The following SERPINB9 variants were observed in gnomAD, a reference collection of about 807,000 sequenced individuals.
The protein encoded by SERPINB9 is serpin family B member 9, also known as serpin B9.
Under a neutral mutation model 27.2 loss-of-function variants are expected in SERPINB9, and 20 were observed. The ratio of observed to expected loss-of-function variants is 0.74; its 90% confidence interval spans 0.52 to 1.07. SERPINB9 has a LOEUF of 1.07. Ranked by LOEUF, SERPINB9 falls within the 50% of genes least tolerant of loss-of-function variation. The pLI is 0.00. For missense variants in SERPINB9, 476 were observed against 460.1 expected (o/e 1.03, Z -0.32); for synonymous variants, 189 against 180.0 (o/e 1.05, Z -0.40).
At chr6:2,893,996 T>G (rs928269912) in intron 4 of SERPINB9, among the ~76,000 whole-genome samples, 2 of 152,040 alleles carry the variant, frequency 1.3e-5, no homozygotes, top group Non-Finnish European at 2.9e-5. Context: ...GAGCTGACAT[T>G]GGGCACATGG....
intron 2 of SERPINB9, among the ~76,000 whole-genome samples, chr6:2,897,398 GGA>G (rs1261299419): frequency 2.0e-5 from 3 of 151,798 alleles, no homozygotes; most frequent in East Asian, 3.9e-4. Flanking sequence ...CCCAGGAGGC[GGA>G]AGTTGCAGTG....
Position 2,900,456 on chromosome 6 carries a change from G to A in SERPINB9, c.156C>T (p.Thr52=). The A allele has an allele frequency of 6.2e-7, 1 of 1,614,074 alleles. No individual in the cohort carries two copies. Among genetic ancestry groups the A allele is most frequent in the Non-Finnish European group, 8.5e-7 (1 of 1,179,994 alleles). The part of the protein sequence containing the change: ...VLLGAKGNTA[T]QMAQALSLNT... The stretch of plus-strand genomic sequence containing the variant: ...CGGGCAAGCTTACCTGGGCCATCTG[G>A]GTTGCGGTGTTTCCCTTTGCCCCTA... The change falls in exon 2 of 7, where the codon ACC becomes ACT. Residue 52 remains threonine, a synonymous_variant. Transcript: ENST00000380698.
intron 2 of SERPINB9, among the ~76,000 whole-genome samples, chr6:2,896,614 A>G (rs1049109413): frequency 3.9e-5 from 6 of 152,250 alleles, no homozygotes; most frequent in Admixed American, 6.5e-5. Context: ...TATAGGGACT[A>G]CATGTGTGTA....
In SERPINB9 at chr6:2,895,371, C is replaced by CAAT. The variant is rs1336456505; in HGVS notation, c.424+17_424+19dup. 2.0e-6 allele frequency: 3 copies of CAAT among 1,535,312 alleles called. No homozygotes were observed. The highest frequency in any genetic ancestry group is 4.5e-5 in the East Asian group (2 of 44,384). On this transcript the variant is annotated intron_variant, in intron 4 of 6. Coordinates refer to ENST00000380698, the MANE Select transcript of SERPINB9 (RefSeq NM_004155.6). The stretch of plus-strand genomic sequence containing the variant: ...AGGAGGACGGGTTGGGAGGAAGGTG[C>CAAT]AATAACTTGTCATTCTGACCTTCGG...
rs896752341 is a variant in SERPINB9 at position 2,891,040 on chromosome 6, G to C, written c.724-470C>G. On this transcript the variant is annotated intron_variant, in intron 6 of 6. Coordinates refer to ENST00000380698, the MANE Select transcript of SERPINB9 (RefSeq NM_004155.6). This position sits in a 1 kb window ranked among gnomAD's most constrained non-coding sequence, Gnocchi z 4.0. ...CAGAGAGGTTACCAGAGGATTATCTGCCCCAGAGAGATTCTGCATAGTTTC... is the reference window on the plus strand; with the variant it reads ...CAGAGAGGTTACCAGAGGATTATCTCCCCCAGAGAGATTCTGCATAGTTTC... Among the ~76,000 whole-genome samples, 3 of 152,184 alleles carry C rather than the reference G, an allele frequency of 2.0e-5. No homozygotes were observed. The highest frequency in any genetic ancestry group is 7.2e-5 in the African/African-American group (3 of 41,446).
rs1767990748 is a variant in SERPINB9 at position 2,896,153 on chromosome 6, G to C, written c.206C>G (p.Ala69Gly). ...CACTTCAGTGAGAAGCGACTGGAAA[G>C]CCCGATGAATGTCTTCCTCTGTGTT... is the stretch of plus-strand genomic sequence containing the variant. The part of the protein sequence containing the change: ...SLNTEEDIHR[A>G]FQSLLTEVNK... Residue 69 changes from alanine to glycine, a missense_variant, in exon 3 of 7, where the codon GCT becomes GGT. Transcript: ENST00000380698. The C allele has an allele frequency of 2.5e-6, 4 of 1,614,082 alleles. No homozygotes were observed. Among genetic ancestry groups the C allele is most frequent in the Non-Finnish European group, 3.4e-6 (4 of 1,179,974 alleles).
chr6:2,898,079 AAAACAAAACAAAAC>A lies in SERPINB9; in HGVS notation c.169-1903_169-1890del, dbSNP rs1323956045. 5.9e-5 allele frequency among the ~76,000 whole-genome samples: 9 copies of A among 152,152 alleles called. No individual in the cohort carries two copies. In the South Asian group the frequency reaches 1.0e-3, roughly 17 times the overall value. On this transcript the variant is annotated intron_variant, in intron 2 of 6. Coordinates refer to ENST00000380698, the MANE Select transcript of SERPINB9 (RefSeq NM_004155.6). ...TGACAGAGCAGAGACTCTATCTCAA[AAAACAAAACAAAAC>A]AAACAAAACAAACAAAAAACAGAAT...
intron 5 of SERPINB9, 115 bp from the exon 6 acceptor site, chr6:2,892,103 AC>A: frequency 2.0e-5 from 4 of 197,360 alleles, no homozygotes; most frequent in Non-Finnish European, 3.5e-5. Flanking sequence ...CCCAGTTAAC[AC>A]TAAAAAAAAA....
intron 4 of SERPINB9, among the ~76,000 whole-genome samples, chr6:2,893,822 G>A (rs1243169740): frequency 6.6e-6 from 1 of 152,140 alleles, no homozygotes; most frequent in African/African-American, 2.4e-5. Context: ...CACCAGGTTG[G>A]AGAACAAGAC....
intron 1 of SERPINB9, among the ~76,000 whole-genome samples, chr6:2,902,396 C>G (rs1245392797): frequency 6.6e-6 from 1 of 151,772 alleles, no homozygotes; most frequent in East Asian, 1.9e-4. Flanking sequence ...TCTGCAGATT[C>G]TCAGGACCCC....
intron 2 of SERPINB9, among the ~76,000 whole-genome samples, chr6:2,896,496 T>C (rs921242110): frequency 2.6e-5 from 4 of 151,578 alleles, no homozygotes; most frequent in Non-Finnish European, 4.4e-5. Context: ...AAAAAATGCA[T>C]GGAAAAATAG....
intron 5 of SERPINB9, 53 bp downstream of exon 5, chr6:2,893,358 T>C: frequency 2.6e-6 from 4 of 1,559,050 alleles, no homozygotes; most frequent in Admixed American, 3.6e-5. Flanking sequence ...AAGTTAAATC[T>C]TTCCATTCAA....
At chr6:2,902,974 G>C (rs1768252808) in intron 1 of SERPINB9, among the ~76,000 whole-genome samples, 3 of 152,346 alleles carry the variant, frequency 2.0e-5, no homozygotes, top group South Asian at 4.1e-4. Flanking sequence ...AGACATCCGG[G>C]AGGGAGGCGT....
chr6:2,895,046 C>T (rs1308348555), intron 4 of SERPINB9, among the ~76,000 whole-genome samples: 1 of 152,172 alleles, frequency 6.6e-6, no homozygotes, highest in African/African-American at 2.4e-5. Context: ...CGAGAGCCAC[C>T]GTGGCTGGCC....
chr6:2,896,253 G>C, intron 2 of SERPINB9, 63 bp from the exon 3 acceptor site: 2 of 1,502,284 alleles, frequency 1.3e-6, no homozygotes, highest in Admixed American at 1.9e-5. Flanking sequence ...GGAGAGGAGA[G>C]AGAGGGGACA....
rs1767896363 is a variant in SERPINB9 at position 2,893,495 on chromosome 6, A to G, written c.483T>C (p.Leu161=). The G allele has an allele frequency of 3.1e-6, 5 of 1,613,318 alleles. No homozygotes were observed. In the East Asian group the frequency reaches 1.1e-4, roughly 36 times the overall value. ...SSIDAETRLV[L]VNAIYFKGKW... The stretch of plus-strand genomic sequence containing the variant: ...TTCCTTTGAAGTAGATGGCATTGAC[A>G]AGAACCAGCCTGGTTTCTGCATCAA... The change falls in exon 5 of 7, where the codon CTT becomes CTC. Residue 161 remains leucine (L), a synonymous_variant. Transcript: ENST00000380698.
chr6:2,900,372 T>G, intron 2 of SERPINB9, 72 bp downstream of exon 2: 1 of 1,552,404 alleles, frequency 6.4e-7, no homozygotes, highest in Non-Finnish European at 8.8e-7. Context: ...GGCTCTGGAG[T>G]GTGAGTGTGA....
At chr6:2,900,092 A>G (rs1581201057) in intron 2 of SERPINB9, 1 of 369,424 alleles carries the variant, frequency 2.7e-6, no homozygotes, top group East Asian at 6.7e-5. Context: ...GTTTAGTTAC[A>G]AAGTCTCTTG....
rs1767795187 is a variant in SERPINB9, at chr6:2,891,352, A to G, written c.723+481T>C. On this transcript the variant is annotated intron_variant, in intron 6 of 6. Coordinates refer to ENST00000380698, the MANE Select transcript of SERPINB9 (RefSeq NM_004155.6). This position sits in a 1 kb window ranked among gnomAD's most constrained non-coding sequence, Gnocchi z 4.0. ...CTATTTCAGGTTCCTAGACTTTAAA[A>G]GCATAATGCTAAGAATGATGATTGT... 6.6e-6 allele frequency among the ~76,000 whole-genome samples: 1 copy of G among 152,242 alleles called. No individual in the cohort carries two copies. Among genetic ancestry groups the G allele is most frequent in the Non-Finnish European group, 1.5e-5 (1 of 68,042 alleles).
Sources: gnomAD v4.1 joint callset for allele counts (sites outside exome capture counted in the v4.1 genomes callset) on GRCh38, gnomAD v4.1.1 for gene constraint, Gnocchi (gnomAD v3.1) non-coding constraint, MANE v1.5 for transcripts, NCBI Gene and HGNC (gene_info 2026-07-23, HGNC 2026-07-21) for gene names.